Variants in CDKN2B-AS1 observed in about 807,000 individuals in gnomAD.
CDKN2B-AS1 encodes CDKN2B and CDKN2A antisense cis and trans regulatory RNA 1.
chr9:22,016,157 T>G (rs1821746739), intron 1 of CDKN2B-AS1, among the ~76,000 whole-genome samples: 1 of 152,172 alleles, frequency 6.6e-6, no homozygotes, highest in African/African-American at 2.4e-5. Flanking sequence ...GTTTTAGACA[T>G]GAAGTCCTTG....
intron 1 of CDKN2B-AS1, among the ~76,000 whole-genome samples, chr9:22,008,476 GCAGA>G (rs1220193411): frequency 1.3e-5 from 2 of 152,200 alleles, no homozygotes; most frequent in South Asian, 2.1e-4. Context: ...ATCGTTGAAA[GCAGA>G]CAGACAAGAT....
intron 4 of CDKN2B-AS1, among the ~76,000 whole-genome samples, chr9:22,105,938 T>C (rs1226525970): frequency 1.3e-5 from 2 of 152,312 alleles, no homozygotes; most frequent in African/African-American, 4.8e-5. Flanking sequence ...TCTGGGAGAC[T>C]CCAGCTCTGT....
chr9:22,126,076 C>T (rs1818012679), intron 4 of CDKN2B-AS1, among the ~76,000 whole-genome samples: 1 of 152,158 alleles, frequency 6.6e-6, no homozygotes, highest in African/African-American at 2.4e-5. Context: ...TCCCCCAAAA[C>T]TTTGCTAATA....
At chr9:22,019,732 T>A (rs1821938606) in intron 1 of CDKN2B-AS1, among the ~76,000 whole-genome samples, 1 of 152,196 alleles carries the variant, frequency 6.6e-6, no homozygotes, top group East Asian at 1.9e-4. Context: ...CAATTTTCTC[T>A]ATACTGAAAT....
Position 22,125,033 on chromosome 9 carries a change from A to G in CDKN2B-AS1, n.439-2070A>G, listed in dbSNP as rs72655407. Among the ~76,000 whole-genome samples, 1,486 of 152,362 alleles carry G rather than the reference A, an allele frequency of 9.8e-3. 16 individuals carry two copies. Among genetic ancestry groups the G allele is most frequent in the Middle Eastern group, 0.017 (5 of 294 alleles). ...CAGTCTCTCTCTATGTTTCTCTCTCACATGTACGTGCATGCACGCACACGT... is the reference window on the plus strand; with the variant it reads ...CAGTCTCTCTCTATGTTTCTCTCTCGCATGTACGTGCATGCACGCACACGT... On this transcript the variant is annotated intron_variant and non_coding_transcript_variant, in intron 4 of 4. Coordinates refer to ENST00000650946, the Ensembl canonical transcript of CDKN2B-AS1.
At chr9:22,087,404 T>G (rs1019962621) in intron 4 of CDKN2B-AS1, among the ~76,000 whole-genome samples, 5 of 152,208 alleles carry the variant, frequency 3.3e-5, no homozygotes, top group African/African-American at 1.2e-4. Flanking sequence ...ATTGAACCAT[T>G]GACTGAATCT....
intron 4 of CDKN2B-AS1, among the ~76,000 whole-genome samples, chr9:22,076,035 C>T (rs1444524501): frequency 1.3e-5 from 2 of 151,982 alleles, no homozygotes; most frequent in African/African-American, 4.8e-5. Flanking sequence ...TACTGGCATC[C>T]TCAGATTGGA....
intron 4 of CDKN2B-AS1, chr9:22,077,633 A>T (rs908767450): frequency 6.6e-6 from 1 of 152,214 alleles, no homozygotes; most frequent in Non-Finnish European, 1.5e-5. Context: ...GAAGAAAAAA[A>T]ATCAAAATAA....
In CDKN2B-AS1 at chr9:22,001,322, T is replaced by C. The variant is rs569471350; in HGVS notation, n.29+6161T>C. The stretch of plus-strand genomic sequence containing the variant: ...TGACTCCATATATCTACTGGAAGTC[T>C]AATGCCAGGGGCTTCTGAGTGTGAA... On this transcript the variant is annotated intron_variant and non_coding_transcript_variant, in intron 1 of 4. Coordinates refer to ENST00000650946, the Ensembl canonical transcript of CDKN2B-AS1. This position sits in a 1 kb window ranked among gnomAD's most constrained non-coding sequence, Gnocchi z 4.2. Among the ~76,000 whole-genome samples, 1 of 152,314 alleles carries C rather than the reference T, an allele frequency of 6.6e-6. No individual in the cohort carries two copies. The highest frequency in any genetic ancestry group is 2.1e-4 in the South Asian group (1 of 4,826).
intron 1 of CDKN2B-AS1, among the ~76,000 whole-genome samples, chr9:22,002,402 T>C (rs1316148649): frequency 6.6e-6 from 1 of 151,896 alleles, no homozygotes; most frequent in Non-Finnish European, 1.5e-5. Context: ...AAAAAATCCA[T>C]CTCTGGTAAA....
chr9:22,091,623 C>CTGTCTGTTAT (rs1726220646), intron 4 of CDKN2B-AS1, among the ~76,000 whole-genome samples: 1 of 151,320 alleles, frequency 6.6e-6, no homozygotes, highest in African/African-American at 2.4e-5. Flanking sequence ...ATTTGGCTCT[C>CTGTCTGTTAT]TGTCTGTTAT....
At chr9:22,041,316 C>G (rs1822887511) in intron 1 of CDKN2B-AS1, among the ~76,000 whole-genome samples, 1 of 151,930 alleles carries the variant, frequency 6.6e-6, no homozygotes, top group Non-Finnish European at 1.5e-5. Context: ...TTGTGTATAA[C>G]AACAATGAAC....
intron 1 of CDKN2B-AS1, among the ~76,000 whole-genome samples, chr9:22,002,156 T>C (rs1820947830): frequency 6.6e-6 from 1 of 152,064 alleles, no homozygotes; most frequent in South Asian, 2.1e-4. Flanking sequence ...CTGTTAATAC[T>C]GAAAATCTAG....
At chr9:22,003,014 C>T (rs1820989282) in intron 1 of CDKN2B-AS1, 1 of 205,216 alleles carries the variant, frequency 4.9e-6, no homozygotes, top group South Asian at 1.9e-4. Context: ...ACGAACTTAA[C>T]AGGTATATTT....
chr9:22,017,771 A>T (rs1166813711), intron 1 of CDKN2B-AS1, among the ~76,000 whole-genome samples: 1 of 150,058 alleles, frequency 6.7e-6, no homozygotes, highest in Non-Finnish European at 1.5e-5. Context: ...AAACAAAGGA[A>T]CCTTTTAAAG....
intron 2 of CDKN2B-AS1, among the ~76,000 whole-genome samples, chr9:22,048,912 T>C (rs948991331): frequency 6.6e-6 from 1 of 152,222 alleles, no homozygotes; most frequent in African/African-American, 2.4e-5. Flanking sequence ...CTCTTAGGGA[T>C]AGTGTGAGAC....
intron 3 of CDKN2B-AS1, among the ~76,000 whole-genome samples, chr9:22,050,505 G>T (rs1268712230): frequency 6.6e-6 from 1 of 152,184 alleles, no homozygotes. Flanking sequence ...TTAAAATCCC[G>T]TTGGGCAATT....
chr9:22,049,420 C>A (rs1246086817), intron 3 of CDKN2B-AS1, among the ~76,000 whole-genome samples: 2 of 152,126 alleles, frequency 1.3e-5, no homozygotes, highest in African/African-American at 4.8e-5. Context: ...CCCTTTAAAT[C>A]TGGGTATAAG....
chr9:22,040,361 T>C (rs1822849841), intron 1 of CDKN2B-AS1, among the ~76,000 whole-genome samples: 1 of 152,054 alleles, frequency 6.6e-6, no homozygotes, highest in South Asian at 2.1e-4. Flanking sequence ...TATTTCATTA[T>C]AGTGCCAGTG....
Sources: gnomAD v4.1 joint callset for allele counts (sites outside exome capture counted in the v4.1 genomes callset) on GRCh38, gnomAD v4.1.1 for gene constraint, Gnocchi (gnomAD v3.1) non-coding constraint, MANE v1.5 for transcripts, NCBI Gene and HGNC (gene_info 2026-07-23, HGNC 2026-07-21) for gene names.